KRT5: variants seen among roughly 807,000 people sequenced by gnomAD.
The protein encoded by KRT5 is keratin, type II cytoskeletal 5.
A neutral mutation model predicts 44.0 loss-of-function variants in KRT5; 17 were observed. The ratio of observed to expected loss-of-function variants is 0.39; its 90% confidence interval spans 0.26 to 0.58. The LOEUF (loss-of-function observed/expected upper bound fraction) is 0.58, where lower values mean the gene tolerates loss of function less well. Ranked by LOEUF, KRT5 falls within the 20% of genes least tolerant of loss-of-function variation. KRT5 has a pLI of 0.61. For missense variants in KRT5, 737 were observed against 785.5 expected, an observed-to-expected ratio of 0.94 and a Z score of 0.74; for synonymous variants, 329 against 312.8, an observed-to-expected ratio of 1.05 and a Z score of -0.55.
rs750787121 is a variant in KRT5, at chr12:52,519,059, G to A, written c.657C>T (p.Phe219=). Residue 219 remains phenylalanine, a synonymous_variant, in exon 2 of 9, where the codon TTC becomes TTT. Transcript: ENST00000252242. ...TCCTGAGGTTGTTGATGTACTGCTC[G>A]AACAACGGCTCCAGGTTCTGCCTCA... ...KTVRQNLEPL[F]EQYINNLRRQ... The A allele has an allele frequency of 4.3e-5, 70 of 1,614,064 alleles. No homozygotes were observed. Among genetic ancestry groups the A allele is most frequent in the South Asian group, 1.5e-4 (14 of 91,082 alleles).
Position 52,514,899 on chromosome 12 carries a change from G to T in KRT5, c.*43C>A. 2 of 1,546,752 alleles carry T rather than the reference G, an allele frequency of 1.3e-6. No homozygotes were observed. The highest frequency in any genetic ancestry group is 1.8e-6 in the Non-Finnish European group (2 of 1,119,726). On this transcript the variant is annotated 3_prime_UTR_variant, in exon 9 of 9. Transcript: ENST00000252242. ...TGCCTAGAAGAGGCAATCTCCATGG[G>T]CTGGGTTGCTGCACTTGGAAGGCAG... is the stretch of plus-strand genomic sequence containing the variant.
chr12:52,514,896 T>C lies in KRT5; in HGVS notation c.*46A>G, dbSNP rs1938578517. 1 of 1,538,442 alleles carries C rather than the reference T, an allele frequency of 6.5e-7. No homozygotes were observed. Among genetic ancestry groups the C allele is most frequent in the Non-Finnish European group, 9.0e-7 (1 of 1,112,306 alleles). ...AACTGCCTAGAAGAGGCAATCTCCA[T>C]GGGCTGGGTTGCTGCACTTGGAAGG... On this transcript the variant is annotated 3_prime_UTR_variant, in exon 9 of 9. Coordinates refer to ENST00000252242, the MANE Select transcript of KRT5 (RefSeq NM_000424.4).
chr12:52,519,271 T>C, intron 1 of KRT5, 111 bp from the exon 2 acceptor site: 1 of 1,159,710 alleles, frequency 8.6e-7, no homozygotes, highest in Non-Finnish European at 1.2e-6. Context: ...TTCTGTGCAC[T>C]GTGCCTGGCC....
At position 52,515,787 on chromosome 12, in the gene KRT5, A is replaced by C. The variant is rs1341345194; in HGVS notation, c.1474+11T>G. ...TATTGTCGTTGTTAATGTCTGTTCA[A>C]AGCTACTTACAGATGTTGACTGGTC... On this transcript the variant is annotated intron_variant, in intron 8 of 8. Transcript: ENST00000252242. The C allele has an allele frequency of 6.2e-7, 1 of 1,607,724 alleles. No homozygotes were observed. Among genetic ancestry groups the C allele is most frequent in the Admixed American group, 1.7e-5 (1 of 60,016 alleles).
At chr12:52,516,991 A>G (rs750952767) in intron 6 of KRT5, 116 bp downstream of exon 6, 10 of 1,504,566 alleles carry the variant, frequency 6.6e-6, no homozygotes, top group Non-Finnish European at 9.2e-6. Flanking sequence ...GGACACTGAA[A>G]CACTGGTACT....
rs1938579671 is a variant in KRT5, at chr12:52,514,952, A to G, written c.1763T>C (p.Phe588Ser). 6.2e-7 allele frequency: 1 copy of G among 1,613,552 alleles called. No homozygotes were observed. The highest frequency in any genetic ancestry group is 1.3e-5 in the African/African-American group (1 of 74,872). ...ACTTGCAGCAGGTTCTTAGCTCTTG[A>G]AGCTCTTCCGGGAGGAGGAGGTGGT... ...VSTTSSSRKSFKS is the reference protein window; with the variant it reads ...VSTTSSSRKSSKS Residue 588 changes from phenylalanine (F) to serine (S), a missense_variant, in exon 9 of 9, where the codon TTC (phenylalanine) becomes TCC (serine). By Grantham distance (155) the Phe-to-Ser change is radical (BLOSUM62 -2). This residue lies in a region of KRT5 where 344 missense variants were observed against 351.6 expected (regional missense o/e 0.98). Transcript: ENST00000252242.
In KRT5 at chr12:52,515,251, A is replaced by T; in HGVS notation, c.1475-11T>A. ...TGCTTGTGACAACAGCTGCAGGGAA[A>T]GGAGGGAGGACTCAGTGAGACCATC... On this transcript the variant is annotated splice_polypyrimidine_tract_variant and intron_variant, in intron 8 of 8. Transcript: ENST00000252242. 6.2e-7 allele frequency: 1 copy of T among 1,604,386 alleles called. No individual in the cohort carries two copies. Among genetic ancestry groups the T allele is most frequent in the Non-Finnish European group, 8.5e-7 (1 of 1,179,938 alleles).
intron 2 of KRT5, chr12:52,518,442 A>G: frequency 1.6e-6 from 1 of 630,148 alleles, no homozygotes; most frequent in Non-Finnish European, 2.9e-6. Context: ...GTTTCTCCCC[A>G]ACTGCATTAC....
chr12:52,517,034 A>G, intron 6 of KRT5, 73 bp downstream of exon 6: 2 of 1,598,592 alleles, frequency 1.3e-6, no homozygotes, highest in East Asian at 4.5e-5. Context: ...CAAAAGTAAA[A>G]CAAAATAAAA....
chr12:52,517,188 G>T lies in KRT5; in HGVS notation c.1137C>A (p.Leu379=). Residue 379 remains leucine (L), a synonymous_variant, in exon 6 of 9, where the codon CTC becomes CTA. Coordinates refer to ENST00000252242, the MANE Select transcript of KRT5 (RefSeq NM_000424.4). ...CAGAGATCTCATGCTTGGTGTTGCG[G>T]AGGTCATCGCCATGCCGGCCAGCTG... ...QQTAGRHGDD[L]RNTKHEISEM... is the part of the protein sequence containing the mutation. 1 of 1,614,028 alleles carries T rather than the reference G, an allele frequency of 6.2e-7. No homozygotes were observed. Among genetic ancestry groups the T allele is most frequent in the Non-Finnish European group, 8.5e-7 (1 of 1,179,958 alleles).
chr12:52,519,691 TG>T, intron 1 of KRT5, 50 bp downstream of exon 1: 1 of 1,537,774 alleles, frequency 6.5e-7, no homozygotes, highest in Non-Finnish European at 9.0e-7. Flanking sequence ...TCTCTCTCTT[TG>T]GCATTTATTT....
Position 52,517,220 on chromosome 12 carries a change from G to T in KRT5, c.1105C>A (p.Gln369Lys), listed in dbSNP as rs138697843. The T allele has an allele frequency of 1.9e-6, 3 of 1,614,086 alleles. No homozygotes were observed. Among genetic ancestry groups the T allele is most frequent in the Non-Finnish European group, 2.5e-6 (3 of 1,180,004 alleles). Residue 369 changes from glutamine to lysine, a missense_variant, in exon 6 of 9, where the codon CAG becomes AAG. Around this residue, in one of 5 missense-constraint regions of KRT5, gnomAD observed 344 missense variants for 351.6 expected, o/e 0.98. Coordinates refer to ENST00000252242, the MANE Select transcript of KRT5 (RefSeq NM_000424.4). ...SWYQTKYEEL[Q>K]QTAGRHGDDL... is the part of the protein sequence containing the mutation. ...TCGCCATGCCGGCCAGCTGTCTGCTGCAGCTCCTCATACTGATGCAGCCAG... is the reference window on the plus strand; with the variant it reads ...TCGCCATGCCGGCCAGCTGTCTGCTTCAGCTCCTCATACTGATGCAGCCAG...
At chr12:52,516,107 A>G in intron 7 of KRT5, 2 of 559,712 alleles carry the variant, frequency 3.6e-6, no homozygotes, top group Non-Finnish European at 6.4e-6. Context: ...AAATGTGATT[A>G]TGTCGAAAGC....
chr12:52,518,960 T>C lies in KRT5; in HGVS notation c.756A>G (p.Glu252=), dbSNP rs776951107. 25 of 1,614,096 alleles carry C rather than the reference T, an allele frequency of 1.5e-5. No homozygotes were observed. The highest frequency in any genetic ancestry group is 1.9e-5 in the Non-Finnish European group (23 of 1,180,042). Residue 252 remains glutamate (E), a synonymous_variant, in exon 2 of 9, where the codon GAA becomes GAG. Transcript: ENST00000252242. ...CCCCAACTCACTTGTTCTTGAAGTC[T>C]TCCACCAGGTCCTGCATGTTTCTCA... ...SELRNMQDLV[E]DFKNKYEDEI... is the part of the protein sequence containing the mutation.
chr12:52,517,357 G>C, intron 5 of KRT5, 125 bp from the exon 6 acceptor site: 1 of 1,234,688 alleles, frequency 8.1e-7, no homozygotes, highest in Non-Finnish European at 1.2e-6. Flanking sequence ...GCTTTTCCAA[G>C]GCTGAGCTAG....
Position 52,514,867 on chromosome 12 carries a change from G to C in KRT5, c.*75C>G, listed in dbSNP as rs1012697673. The C allele has an allele frequency of 1.7e-4, 216 of 1,273,112 alleles. 5 individuals carry two copies. The Admixed American group carries it at 3.6e-3, about 21-fold the overall frequency. 78.9% of individuals were successfully genotyped at this position (1,273,112 alleles called of 1,614,324 possible). On this transcript the variant is annotated 3_prime_UTR_variant, in exon 9 of 9. Transcript: ENST00000252242. ...TCCAGAAAAGGATAAAACATGGCTTGAGCAACTGCCTAGAAGAGGCAATCT... is the reference window on the plus strand; with the variant it reads ...TCCAGAAAAGGATAAAACATGGCTTCAGCAACTGCCTAGAAGAGGCAATCT...
chr12:52,516,903 G>T lies in KRT5; in HGVS notation c.1219-46C>A, dbSNP rs1799849. 212,972 of 1,602,152 alleles carry T rather than the reference G, an allele frequency of 0.13. 15,002 individuals carry two copies. Among genetic ancestry groups the T allele is most frequent in the Middle Eastern group, 0.19 (1,130 of 5,940 alleles). On this transcript the variant is annotated intron_variant, in intron 6 of 8. Transcript: ENST00000252242. ...AGTGGGGTTGCTTGGGACCTGAGGT[G>T]TCTCCTTCTGAGTTTCTGGGTCAGA... is the stretch of plus-strand genomic sequence containing the variant.
In KRT5 at chr12:52,514,892, T is replaced by C. The variant is rs557105004; in HGVS notation, c.*50A>G. 19 of 1,526,392 alleles carry C rather than the reference T, an allele frequency of 1.2e-5. No homozygotes were observed. In the South Asian group the frequency reaches 2.1e-4, roughly 17 times the overall value. 94.6% of individuals were successfully genotyped at this position (1,526,392 alleles called of 1,614,324 possible). A position where few individuals can be genotyped will look rare whatever the true frequency, so the allele number is the denominator to read the frequency against. On this transcript the variant is annotated 3_prime_UTR_variant, in exon 9 of 9. Transcript: ENST00000252242. ...GAGCAACTGCCTAGAAGAGGCAATCTCCATGGGCTGGGTTGCTGCACTTGG... is the reference window on the plus strand; with the variant it reads ...GAGCAACTGCCTAGAAGAGGCAATCCCCATGGGCTGGGTTGCTGCACTTGG...
chr12:52,516,346 T>C (rs1389569175), intron 7 of KRT5: 6 of 453,958 alleles, frequency 1.3e-5, no homozygotes, highest in African/African-American at 4.0e-5. Flanking sequence ...GATATTGAGG[T>C]TGAGCAAAGG....
Sources: allele counts gnomAD v4.1 joint callset, GRCh38; gene constraint gnomAD v4.1.1; regional missense constraint gnomAD v4.1.1; transcripts MANE v1.5; gene names NCBI Gene and HGNC (gene_info 2026-07-23, HGNC 2026-07-21).